The following SORCS2 variants were observed in gnomAD, a reference collection of about 807,000 sequenced individuals.
The protein encoded by SORCS2 is sortilin related VPS10 domain containing receptor 2, also known as VPS10 domain-containing receptor SorCS2.
SORCS2 carries 100 observed loss-of-function variants against 141.6 expected under a neutral mutation model. The observed-to-expected ratio is 0.71, with a 90% CI of 0.60 to 0.83. The LOEUF is 0.83. Among genes scored for constraint, SORCS2 ranks in the 40% least tolerant of loss-of-function variants. The pLI is 0.00. For synonymous variants in SORCS2, 789 were observed against 676.9 expected, an observed-to-expected ratio of 1.17 and a Z score of -2.57; for missense variants, 1,646 against 1,560.2, an observed-to-expected ratio of 1.05 and a Z score of -0.93.
chr4:7,721,290 C>T (rs989944434), intron 18 of SORCS2, among the ~76,000 whole-genome samples: 3 of 152,090 alleles, frequency 2.0e-5, no homozygotes, highest in Admixed American at 6.5e-5. Flanking sequence ...CATGACGAAA[C>T]CCTGTCTCTG....
chr4:7,199,518 G>A (rs551183670), intron 1 of SORCS2, among the ~76,000 whole-genome samples: 4 of 152,202 alleles, frequency 2.6e-5, no homozygotes, highest in African/African-American at 9.6e-5. Context: ...GTGAAGCAGG[G>A]GCTCCCTGAG....
At chr4:7,334,233 C>T (rs561275112) in intron 1 of SORCS2, among the ~76,000 whole-genome samples, 2 of 152,254 alleles carry the variant, frequency 1.3e-5, no homozygotes, top group Non-Finnish European at 2.9e-5. Context: ...CCAAACTTTG[C>T]GCACCCCGGG....
intron 2 of SORCS2, among the ~76,000 whole-genome samples, chr4:7,427,968 C>G (rs10937819): frequency 4.6e-5 from 7 of 151,724 alleles, no homozygotes; most frequent in Non-Finnish European, 7.4e-5. Flanking sequence ...GGAGGTTGCA[C>G]TGCAGCCAGA....
intron 1 of SORCS2, among the ~76,000 whole-genome samples, chr4:7,374,983 T>A (rs1366634070): frequency 6.6e-6 from 1 of 152,132 alleles, no homozygotes; most frequent in Non-Finnish European, 1.5e-5. Flanking sequence ...AAATTGACAT[T>A]TGTATCCTCA....
chr4:7,401,219 G>GTGGA (rs897197937), intron 2 of SORCS2, among the ~76,000 whole-genome samples: 2 of 147,544 alleles, frequency 1.4e-5, no homozygotes, highest in African/African-American at 5.0e-5. Flanking sequence ...GGATGGGTGG[G>GTGGA]TGGATGGATG....
At chr4:7,251,704 G>A (rs1713517512) in intron 1 of SORCS2, among the ~76,000 whole-genome samples, 1 of 152,140 alleles carries the variant, frequency 6.6e-6, no homozygotes, top group Non-Finnish European at 1.5e-5. Flanking sequence ...AGGAAGAAGG[G>A]GATGGGGAGG....
intron 1 of SORCS2, among the ~76,000 whole-genome samples, chr4:7,373,554 A>T (rs1460668229): frequency 3.1e-5 from 4 of 128,728 alleles, no homozygotes; most frequent in African/African-American, 1.2e-4. Context: ...ATGCAGTGTC[A>T]TGATCTCTGT....
Position 7,599,325 on chromosome 4 carries a change from C to T in SORCS2, c.649-39003C>T, listed in dbSNP as rs972940279. ...AGAGCACGGGTGAGGACTGAAGTGG[C>T]GGTGATCCACGTGCCAGGCACTTGG... On this transcript the variant is annotated intron_variant, in intron 3 of 26. Transcript: ENST00000507866. Among the ~76,000 whole-genome samples, 5 of 152,258 alleles carry T rather than the reference C, an allele frequency of 3.3e-5. No individual in the cohort carries two copies. In the East Asian group the frequency reaches 7.8e-4, roughly 24 times the overall value.
intron 1 of SORCS2, among the ~76,000 whole-genome samples, chr4:7,329,042 T>C (rs1404091262): frequency 6.6e-6 from 1 of 152,186 alleles, no homozygotes; most frequent in Non-Finnish European, 1.5e-5. Context: ...GAAGGCCATG[T>C]GTGAAGGCCA....
intron 1 of SORCS2, among the ~76,000 whole-genome samples, chr4:7,322,763 T>C (rs1018274635): frequency 6.6e-6 from 1 of 152,146 alleles, no homozygotes; most frequent in East Asian, 1.9e-4. Context: ...TGGATTCAAA[T>C]GGGGGAGGAC....
chr4:7,370,150 C>T (rs1722156530), intron 1 of SORCS2, among the ~76,000 whole-genome samples: 1 of 152,020 alleles, frequency 6.6e-6, no homozygotes, highest in Admixed American at 6.5e-5. Flanking sequence ...TTTTTTTGCT[C>T]AATCCCTGGG....
intron 5 of SORCS2, among the ~76,000 whole-genome samples, chr4:7,660,810 G>A (rs1169787426): frequency 6.6e-6 from 1 of 152,212 alleles, no homozygotes; most frequent in Non-Finnish European, 1.5e-5. Flanking sequence ...GGTAGGGGGT[G>A]CATTCCTCTT....
Position 7,202,642 on chromosome 4 carries a change from T to C in SORCS2, c.480+9516T>C, listed in dbSNP as rs554647463. ...TTTCCTGACGCTCAGATAAATGAAG[T>C]TCAAATTAGAGAAAGAAAAGAGCCA... On this transcript the variant is annotated intron_variant, in intron 1 of 26. Transcript: ENST00000507866. Among the ~76,000 whole-genome samples, 8 of 152,300 alleles carry C rather than the reference T, an allele frequency of 5.3e-5. No homozygotes were observed. In the East Asian group the frequency reaches 5.8e-4, roughly 11 times the overall value.
intron 3 of SORCS2, among the ~76,000 whole-genome samples, chr4:7,560,205 G>A (rs1426469891): frequency 3.3e-5 from 5 of 152,192 alleles, no homozygotes; most frequent in Non-Finnish European, 7.3e-5. Flanking sequence ...CCTATCCGAG[G>A]TGGCTGGGGC....
chr4:7,427,323 G>A (rs1432814034), intron 2 of SORCS2, among the ~76,000 whole-genome samples: 1 of 152,164 alleles, frequency 6.6e-6, no homozygotes, highest in Non-Finnish European at 1.5e-5. Context: ...GACTCTAAAT[G>A]TGATCTAAGC....
chr4:7,713,439 A>G (rs1725962471), intron 15 of SORCS2, among the ~76,000 whole-genome samples: 1 of 151,932 alleles, frequency 6.6e-6, no homozygotes, highest in African/African-American at 2.4e-5. Flanking sequence ...ATTTAATGGT[A>G]CTTGTTAAAG....
chr4:7,306,315 G>C (rs1717829883), intron 1 of SORCS2, among the ~76,000 whole-genome samples: 1 of 152,142 alleles, frequency 6.6e-6, no homozygotes, highest in African/African-American at 2.4e-5. Flanking sequence ...CGAGGGTGGA[G>C]GGGGAGGGCG....
intron 18 of SORCS2, among the ~76,000 whole-genome samples, chr4:7,720,353 G>A (rs1271127326): frequency 3.3e-5 from 5 of 152,042 alleles, no homozygotes; most frequent in Admixed American, 1.3e-4. Context: ...CCTCACACCC[G>A]ATAGAAAAAT....
intron 14 of SORCS2, among the ~76,000 whole-genome samples, 191 bp from the exon 15 acceptor site, chr4:7,712,542 T>C (rs1725891054): frequency 6.6e-6 from 1 of 152,174 alleles, no homozygotes; most frequent in African/African-American, 2.4e-5. Context: ...CGCCGAAGCC[T>C]ACAGAGCACG....
Sources: allele counts gnomAD v4.1 joint callset (sites outside exome capture counted in the v4.1 genomes callset), GRCh38; gene constraint gnomAD v4.1.1; transcripts MANE v1.5; gene names NCBI Gene and HGNC (gene_info 2026-07-23, HGNC 2026-07-21).